Variants in C4orf51 observed in about 807,000 individuals in gnomAD.
The protein encoded by C4orf51 is uncharacterized protein C4orf51.
Under a neutral mutation model 25.2 loss-of-function variants are expected in C4orf51, and 25 were observed. The observed-to-expected ratio is 0.99, with a 90% CI of 0.72 to 1.39. The LOEUF (loss-of-function observed/expected upper bound fraction) is 1.39. Among genes scored for constraint, C4orf51 ranks in the 40% most tolerant of loss-of-function variants. The pLI, the probability that C4orf51 is intolerant of heterozygous loss-of-function variation, is 0.00. For synonymous variants in C4orf51, 100 were observed against 84.5 expected (o/e 1.18, Z -1.01); for missense variants, 252 against 239.6 (o/e 1.05, Z -0.34).
At chr4:145,791,684 G>A in the C4orf51 span, among the ~76,000 whole-genome samples, 1 of 152,146 alleles carries the variant, frequency 6.6e-6, no homozygotes, top group South Asian at 2.1e-4. Context: ...ATAGCTGAAA[G>A]AGGAATTATA....
At chr4:145,742,445 T>C (rs906558245) in intron 1 of C4orf51, among the ~76,000 whole-genome samples, 2 of 152,188 alleles carry the variant, frequency 1.3e-5, no homozygotes, top group South Asian at 4.1e-4. Flanking sequence ...AAATGTCATC[T>C]TTGCTCCAAC....
At chr4:145,692,953 GTTTTTTTTTTTT>G (rs202227019) in intron 1 of C4orf51, among the ~76,000 whole-genome samples, 43,930 of 101,444 alleles carry the variant, frequency 0.43, 8,779 homozygotes, top group Admixed American at 0.6. Context: ...TAAGTTTTTA[GTTTTTTTTTTTT>G]TTTTTTTTTT....
At chr4:145,768,601 G>A (rs187514072) in intron 1 of C4orf51, among the ~76,000 whole-genome samples, 391 of 151,904 alleles carry the variant, frequency 2.6e-3, no homozygotes, top group African/African-American at 8.0e-3. Context: ...TTTTAGGTTA[G>A]GGGAGAAAAT....
chr4:145,723,973 G>T (rs1731898575), intron 2 of C4orf51, among the ~76,000 whole-genome samples: 1 of 152,288 alleles, frequency 6.6e-6, no homozygotes, highest in Middle Eastern at 3.4e-3. Context: ...GACATTTCTA[G>T]TTCAGTGAGA....
At chr4:145,738,801 G>T (rs1035734107) in intron 1 of C4orf51, among the ~76,000 whole-genome samples, 2 of 151,854 alleles carry the variant, frequency 1.3e-5, no homozygotes, top group African/African-American at 4.8e-5. Flanking sequence ...CACAACGCCC[G>T]ACTAATTTTT....
chr4:145,782,626 AAC>A, the C4orf51 span, among the ~76,000 whole-genome samples: 1 of 152,168 alleles, frequency 6.6e-6, no homozygotes. Context: ...GACCCCTTCC[AAC>A]AGCCCTTCCT....
intron 5 of C4orf51, among the ~76,000 whole-genome samples, chr4:145,731,686 A>G (rs1237207413): frequency 7.0e-6 from 1 of 143,046 alleles, no homozygotes; most frequent in East Asian, 2.1e-4. Context: ...GGTTCAAGCA[A>G]TTCTCCTGCC....
intron 1 of C4orf51, among the ~76,000 whole-genome samples, chr4:145,682,033 T>C (rs1728868344): frequency 1.3e-5 from 2 of 152,224 alleles, no homozygotes; most frequent in South Asian, 4.2e-4. Context: ...GGAAAAAAGG[T>C]ACTATATTTA....
chr4:145,727,970 A>G (rs2126765828), intron 3 of C4orf51, among the ~76,000 whole-genome samples: 1 of 134,310 alleles, frequency 7.4e-6, no homozygotes, highest in East Asian at 2.0e-4. Context: ...AATATATAAT[A>G]TAATATATAC....
chr4:145,768,773 G>A (rs1735718407), intron 1 of C4orf51, among the ~76,000 whole-genome samples: 1 of 137,170 alleles, frequency 7.3e-6, no homozygotes. Flanking sequence ...CAGGAGAATC[G>A]CTTGAACCCA....
At chr4:145,746,833 T>C (rs1450263347) in intron 1 of C4orf51, among the ~76,000 whole-genome samples, 1 of 152,160 alleles carries the variant, frequency 6.6e-6, no homozygotes, top group Non-Finnish European at 1.5e-5. Flanking sequence ...ATATTGATTC[T>C]TGCAATCCAC....
At chr4:145,752,488 C>T (rs1467495652) in intron 1 of C4orf51, among the ~76,000 whole-genome samples, 1 of 152,176 alleles carries the variant, frequency 6.6e-6, no homozygotes, top group African/African-American at 2.4e-5. Context: ...TGCCCAGTGC[C>T]CTGTGCTACT....
intron 2 of C4orf51, among the ~76,000 whole-genome samples, chr4:145,715,444 G>A (rs1325202878): frequency 2.0e-5 from 3 of 152,114 alleles, no homozygotes; most frequent in African/African-American, 4.8e-5. Context: ...ACTTCTTCCC[G>A]TGGGAAGAAT....
intron 1 of C4orf51, among the ~76,000 whole-genome samples, chr4:145,770,599 TATA>T (rs1348089131): frequency 1.1e-4 from 16 of 151,864 alleles, no homozygotes; most frequent in South Asian, 2.1e-4. Context: ...CATAATAAAA[TATA>T]ATAATAATGA....
Position 145,729,235 on chromosome 4 carries a change from T to C in C4orf51, c.427+6T>C, listed in dbSNP as rs749322063. The stretch of plus-strand genomic sequence containing the variant: ...TCCAAATTATGGAAAATACTGTAAG[T>C]CCCATCCTGAACTACTACTTTACAT... On this transcript the variant is annotated splice_donor_region_variant and intron_variant, in intron 4 of 5. Transcript: ENST00000438731. The C allele has an allele frequency of 6.3e-7, 1 of 1,592,152 alleles. No individual in the cohort carries two copies. Among genetic ancestry groups the C allele is most frequent in the Non-Finnish European group, 8.6e-7 (1 of 1,162,484 alleles).
chr4:145,745,361 TC>T (rs1312478830), intron 1 of C4orf51, among the ~76,000 whole-genome samples: 7 of 143,192 alleles, frequency 4.9e-5, no homozygotes, highest in Non-Finnish European at 9.0e-5. Context: ...CATTCCCACT[TC>T]CCCCTAACCC....
intron 2 of C4orf51, among the ~76,000 whole-genome samples, chr4:145,697,740 C>G (rs1730164212): frequency 6.6e-6 from 1 of 152,194 alleles, no homozygotes; most frequent in African/African-American, 2.4e-5. Flanking sequence ...ATACCACATT[C>G]TCTTTATCCA....
chr4:145,787,731 A>T, the C4orf51 span, among the ~76,000 whole-genome samples: 1 of 152,170 alleles, frequency 6.6e-6, no homozygotes, highest in African/African-American at 2.4e-5. Flanking sequence ...AATTCAGGTG[A>T]CAGTTCTATC....
At chr4:145,736,982 T>A (rs1458113540), downstream of C4orf51, among the ~76,000 whole-genome samples, 3 of 152,198 alleles carry the variant, frequency 2.0e-5, no homozygotes, top group African/African-American at 7.2e-5. Flanking sequence ...CCTCAGAGTC[T>A]GAACTTCTCG....
Sources: allele counts gnomAD v4.1 joint callset (sites outside exome capture counted in the v4.1 genomes callset), GRCh38; gene constraint gnomAD v4.1.1; transcripts MANE v1.5; gene names NCBI Gene and HGNC (gene_info 2026-07-23, HGNC 2026-07-21).